Variants in PIGK observed in about 807,000 individuals in gnomAD.
The protein encoded by PIGK is phosphatidylinositol glycan anchor biosynthesis class K.
PIGK carries 42 observed loss-of-function variants against 50.6 expected under a neutral mutation model. That is an observed-to-expected ratio of 0.83 (90% CI 0.65 to 1.07). The LOEUF is 1.07. PIGK is among the 50% of genes least tolerant of loss of function. PIGK has a pLI of 0.00. For missense variants in PIGK, 448 were observed against 488.7 expected (o/e 0.92, Z 0.78); for synonymous variants, 151 against 156.0 (o/e 0.97, Z 0.24).
intron 9 of PIGK, among the ~76,000 whole-genome samples, chr1:77,150,525 A>G (rs1654874178): frequency 6.6e-6 from 1 of 151,712 alleles, no homozygotes; most frequent in Non-Finnish European, 1.5e-5. Context: ...AGAAAAAGAA[A>G]TTGAGACTAA....
chr1:77,189,730 TATATATATATATATATATACACAC>T (rs1452669542), intron 3 of PIGK, among the ~76,000 whole-genome samples: 11 of 35,590 alleles, frequency 3.1e-4, no homozygotes, highest in African/African-American at 5.4e-4. Context: ...TATATATATA[TATATATATATATATATATACACAC>T]ACACACACAC....
In PIGK at chr1:77,203,059, A is replaced by G. The variant is rs371945385; in HGVS notation, c.239+3581T>C. On this transcript the variant is annotated intron_variant, in intron 3 of 10. Transcript: ENST00000370812. ...AAGATATGTATATTTTTTCATAAAC[A>G]TGGCTCTAATCATAAGTAAACCACT... is the stretch of plus-strand genomic sequence containing the variant. Among the ~76,000 whole-genome samples the G allele has an allele frequency of 4.6e-5, 7 of 152,352 alleles. No homozygotes were observed. The East Asian group carries it at 1.3e-3, about 29-fold the overall frequency.
In PIGK at chr1:77,122,297, G is replaced by C. The variant is rs1654115281; in HGVS notation, c.1049C>G (p.Pro350Arg). 1.3e-6 allele frequency: 2 copies of C among 1,599,444 alleles called. No individual in the cohort carries two copies. Among genetic ancestry groups the C allele is most frequent in the East Asian group, 2.2e-5 (1 of 44,692 alleles). The stretch of plus-strand genomic sequence containing the variant: ...AACCTGGTGTATTATCTGAGCTACA[G>C]GAAGTTGTTCAGCATATTTCAGAGG... ...MEPLKYAEQLPVAQIIHQKPK... is the reference protein window; with the variant it reads ...MEPLKYAEQLRVAQIIHQKPK... Residue 350 changes from proline to arginine, a missense_variant, in exon 10 of 11, where the codon CCT (proline) becomes CGT (arginine). Transcript: ENST00000370812.
At position 77,175,163 on chromosome 1, in the gene PIGK, T is replaced by A. The variant is rs182758849; in HGVS notation, c.240-5768A>T. 3.3e-3 allele frequency among the ~76,000 whole-genome samples: 507 copies of A among 152,352 alleles called. 2 individuals are homozygous for A. The highest frequency in any genetic ancestry group is 7.3e-3 in the Admixed American group (111 of 15,302). On this transcript the variant is annotated intron_variant, in intron 3 of 10. Coordinates refer to ENST00000370812, the MANE Select transcript of PIGK (RefSeq NM_005482.3). ...GTCAGATATTAGGTTTGCTAAATGCTTTAAGGTCATAAACTGCTTTGACTT... is the reference window on the plus strand; with the variant it reads ...GTCAGATATTAGGTTTGCTAAATGCATTAAGGTCATAAACTGCTTTGACTT...
At chr1:77,125,068 C>G (rs887603725) in intron 9 of PIGK, among the ~76,000 whole-genome samples, 1 of 152,214 alleles carries the variant, frequency 6.6e-6, no homozygotes, top group Non-Finnish European at 1.5e-5. Flanking sequence ...GACAAAGTCA[C>G]TCTTCATTGG....
chr1:77,178,828 T>C (rs1655545742), intron 3 of PIGK, among the ~76,000 whole-genome samples: 1 of 152,308 alleles, frequency 6.6e-6, no homozygotes, highest in South Asian at 2.1e-4. Flanking sequence ...CTGAAAGAAA[T>C]GTGTGACCAT....
chr1:77,134,517 G>A (rs1045423976), intron 9 of PIGK, among the ~76,000 whole-genome samples: 1 of 152,180 alleles, frequency 6.6e-6, no homozygotes, highest in Non-Finnish European at 1.5e-5. Context: ...CAAAAATGTT[G>A]CTGGTGAAAT....
rs1013713397 is a variant in PIGK, at chr1:77,090,208, T to C, written c.*2166A>G. On this transcript the variant is annotated 3_prime_UTR_variant, in exon 11 of 11. Coordinates refer to ENST00000370812, the MANE Select transcript of PIGK (RefSeq NM_005482.3). ...CAGCTTTTGTGACTCAAGTAGAATA[T>C]ATTTAAGGATTTGTTTTTATGATAC... 1 of 152,236 alleles carries C rather than the reference T, an allele frequency of 6.6e-6. No individual in the cohort carries two copies. Among genetic ancestry groups the C allele is most frequent in the East Asian group, 1.9e-4 (1 of 5,202 alleles). 9.4% of individuals were successfully genotyped at this position (152,236 alleles called of 1,614,324 possible).
At chr1:77,106,035 TAAAACTATATTTTACATGGTATCAAAAG>T (rs1557792890) in intron 10 of PIGK, among the ~76,000 whole-genome samples, 1 of 152,190 alleles carries the variant, frequency 6.6e-6, no homozygotes. Flanking sequence ...AAAAGTACAT[TAAAACTATATTTTACATGGTATCAAAAG>T]AAAACCATCA....
intron 9 of PIGK, among the ~76,000 whole-genome samples, chr1:77,142,392 T>G (rs1394957737): frequency 6.6e-6 from 1 of 152,176 alleles, no homozygotes; most frequent in East Asian, 1.9e-4. Context: ...GTATGTTCAT[T>G]TTATATACAC....
At chr1:77,145,582 A>T (rs1021201710) in intron 9 of PIGK, among the ~76,000 whole-genome samples, 9 of 152,234 alleles carry the variant, frequency 5.9e-5, no homozygotes, top group African/African-American at 1.7e-4. Context: ...ACGGATTGTG[A>T]GGACTCAATA....
intron 6 of PIGK, among the ~76,000 whole-genome samples, chr1:77,162,397 G>C (rs1003399659): frequency 6.6e-6 from 1 of 152,156 alleles, no homozygotes; most frequent in African/African-American, 2.4e-5. Flanking sequence ...ATGTAAAAAA[G>C]TATAAGTGCT....
rs189759940 is a variant in PIGK at position 77,108,759 on chromosome 1, G to T, written c.1071+13516C>A. Among the ~76,000 whole-genome samples, 714 of 152,224 alleles carry T rather than the reference G, an allele frequency of 4.7e-3. 4 individuals carry two copies. Among genetic ancestry groups the T allele is most frequent in the Middle Eastern group, 0.027 (8 of 294 alleles). ...AATGTAGGTTTGGTCTTTTTACATAGTCCCATATTTCTTGGAGGCTTTGTT... is the reference window on the plus strand; with the variant it reads ...AATGTAGGTTTGGTCTTTTTACATATTCCCATATTTCTTGGAGGCTTTGTT... On this transcript the variant is annotated intron_variant, in intron 10 of 10. Transcript: ENST00000370812.
intron 3 of PIGK, among the ~76,000 whole-genome samples, chr1:77,201,777 T>C (rs1656172305): frequency 6.6e-6 from 1 of 150,528 alleles, no homozygotes; most frequent in Non-Finnish European, 1.5e-5. Flanking sequence ...CTACTATAGC[T>C]CAGCACAGTG....
chr1:77,126,180 T>C (rs1418566637), intron 9 of PIGK, among the ~76,000 whole-genome samples: 1 of 152,164 alleles, frequency 6.6e-6, no homozygotes, highest in African/African-American at 2.4e-5. Context: ...TTTTCCTGTT[T>C]TGTAATTTTT....
chr1:77,128,878 G>C (rs970002238), intron 9 of PIGK, among the ~76,000 whole-genome samples: 13 of 152,074 alleles, frequency 8.5e-5, no homozygotes, highest in African/African-American at 3.1e-4. Context: ...ACCTGTTTCT[G>C]TATGTCCTGT....
intron 10 of PIGK, among the ~76,000 whole-genome samples, chr1:77,116,870 T>C (rs924571217): frequency 6.6e-6 from 1 of 152,198 alleles, no homozygotes; most frequent in African/African-American, 2.4e-5. Flanking sequence ...ACTATGTAAC[T>C]ATTGAGACAT....
intron 9 of PIGK, chr1:77,129,144 C>T (rs1654299618): frequency 2.7e-6 from 4 of 1,503,230 alleles, no homozygotes; most frequent in Non-Finnish European, 1.9e-6. Context: ...CCCGGAGAAC[C>T]CCACGAAATC....
At chr1:77,131,582 A>C (rs1313622483) in intron 9 of PIGK, among the ~76,000 whole-genome samples, 1 of 152,114 alleles carries the variant, frequency 6.6e-6, no homozygotes. Context: ...TGTCTAAGCC[A>C]CATTGCCTTT....
Sources: allele counts gnomAD v4.1 joint callset (sites outside exome capture counted in the v4.1 genomes callset), GRCh38; gene constraint gnomAD v4.1.1; transcripts MANE v1.5; gene names NCBI Gene and HGNC (gene_info 2026-07-23, HGNC 2026-07-21).